NKAIN3: variants seen among roughly 807,000 people sequenced by gnomAD.
The protein encoded by NKAIN3 is sodium/potassium transporting ATPase interacting 3.
A neutral mutation model predicts 30.2 loss-of-function variants in NKAIN3; 25 were observed. The observed-to-expected ratio is 0.83, with a 90% CI of 0.60 to 1.16. The LOEUF is 1.16. NKAIN3 is among the 50% of genes most tolerant of loss of function. NKAIN3 has a pLI of 0.00. For missense variants in NKAIN3, 225 were observed against 254.1 expected (o/e 0.89, Z 0.78); for synonymous variants, 91 against 89.6 (o/e 1.02, Z -0.09).
At chr8:62,736,159 A>G (rs1482808359) in intron 3 of NKAIN3, among the ~76,000 whole-genome samples, 1 of 152,222 alleles carries the variant, frequency 6.6e-6, no homozygotes, top group Non-Finnish European at 1.5e-5. Flanking sequence ...CAGCATCAGC[A>G]ACAGTAGTAT....
intron 4 of NKAIN3, among the ~76,000 whole-genome samples, chr8:62,794,168 C>T (rs886716890): frequency 1.3e-5 from 2 of 152,162 alleles, no homozygotes; most frequent in Non-Finnish European, 2.9e-5. Context: ...CATTAGTAGC[C>T]TTTGCACATA....
chr8:62,856,098 T>C (rs1586274174), intron 4 of NKAIN3: 1 of 709,624 alleles, frequency 1.4e-6, no homozygotes, highest in East Asian at 2.5e-5. Context: ...ATCAAACTGT[T>C]TTAACTCTTC....
chr8:62,332,893 G>A (rs1432313348), intron 1 of NKAIN3, among the ~76,000 whole-genome samples: 1 of 152,070 alleles, frequency 6.6e-6, no homozygotes, highest in Non-Finnish European at 1.5e-5. Context: ...TAGGCATTTT[G>A]GCATGGCCTG....
At chr8:62,789,421 A>G (rs1011611368) in intron 4 of NKAIN3, among the ~76,000 whole-genome samples, 13 of 152,308 alleles carry the variant, frequency 8.5e-5, no homozygotes, top group African/African-American at 3.1e-4. Context: ...TATCAGCTTA[A>G]GGAGATTTTG....
At chr8:62,559,460 T>A (rs1809501846) in intron 1 of NKAIN3, among the ~76,000 whole-genome samples, 1 of 152,026 alleles carries the variant, frequency 6.6e-6, no homozygotes, top group African/African-American at 2.4e-5. Context: ...AGTTTTCACT[T>A]TCTGTTTTTT....
intron 1 of NKAIN3, among the ~76,000 whole-genome samples, chr8:62,406,822 T>C (rs1419962540): frequency 6.6e-6 from 1 of 152,210 alleles, no homozygotes; most frequent in African/African-American, 2.4e-5. Context: ...TATGTGATCA[T>C]GGCAAATTAA....
At chr8:62,298,910 A>G (rs564720947) in intron 1 of NKAIN3, among the ~76,000 whole-genome samples, 3 of 150,842 alleles carry the variant, frequency 2.0e-5, no homozygotes, top group South Asian at 4.2e-4. Flanking sequence ...TTAATGATAT[A>G]TAATTATGAG....
At chr8:62,933,940 G>A (rs947958296) in intron 5 of NKAIN3, among the ~76,000 whole-genome samples, 2 of 152,166 alleles carry the variant, frequency 1.3e-5, no homozygotes, top group Non-Finnish European at 2.9e-5. Context: ...ACTTCAGTAA[G>A]GCCAAGGCAG....
At chr8:62,937,936 C>T (rs559088304) in intron 5 of NKAIN3, among the ~76,000 whole-genome samples, 1 of 152,132 alleles carries the variant, frequency 6.6e-6, no homozygotes, top group African/African-American at 2.4e-5. Context: ...CGGCTTTCTC[C>T]CACTACCCTG....
chr8:62,383,102 C>T (rs538904779), intron 1 of NKAIN3, among the ~76,000 whole-genome samples: 12 of 152,144 alleles, frequency 7.9e-5, no homozygotes, highest in African/African-American at 1.4e-4. Flanking sequence ...TAGACCACTT[C>T]GATGACTTTG....
At chr8:62,985,068 AC>A (rs1242265750), downstream of NKAIN3, among the ~76,000 whole-genome samples, 1 of 152,190 alleles carries the variant, frequency 6.6e-6, no homozygotes, top group Non-Finnish European at 1.5e-5. Flanking sequence ...ACTATAGGAA[AC>A]CTGGTCCCTC....
chr8:62,543,889 C>A (rs765225840), intron 1 of NKAIN3, among the ~76,000 whole-genome samples: 57 of 151,860 alleles, frequency 3.8e-4, no homozygotes, highest in Non-Finnish European at 7.4e-5. Context: ...TTTATCAGTG[C>A]AAAAAGTAAA....
At chr8:62,796,142 C>T (rs372391158) in intron 4 of NKAIN3, among the ~76,000 whole-genome samples, 4 of 151,766 alleles carry the variant, frequency 2.6e-5, no homozygotes, top group Non-Finnish European at 5.9e-5. Context: ...CCAGCACTTT[C>T]GGAGGCAGAG....
chr8:62,429,632 T>C (rs1003235752), intron 1 of NKAIN3, among the ~76,000 whole-genome samples: 2 of 151,902 alleles, frequency 1.3e-5, no homozygotes, highest in African/African-American at 2.4e-5. Context: ...CCCTATTGTT[T>C]TGGCATAGTT....
intron 1 of NKAIN3, among the ~76,000 whole-genome samples, chr8:62,294,475 TAATA>T (rs1162737941): frequency 6.6e-6 from 1 of 152,212 alleles, no homozygotes; most frequent in Non-Finnish European, 1.5e-5. Flanking sequence ...AAAAGGATTA[TAATA>T]AATAAAATTA....
intron 1 of NKAIN3, among the ~76,000 whole-genome samples, chr8:62,563,809 A>G (rs1295185830): frequency 2.0e-5 from 3 of 152,142 alleles, no homozygotes. Flanking sequence ...TTCTAATTAT[A>G]TTTAGTTTAA....
chr8:62,636,178 C>T (rs575207591), intron 3 of NKAIN3, among the ~76,000 whole-genome samples: 38 of 152,270 alleles, frequency 2.5e-4, no homozygotes, highest in African/African-American at 8.9e-4. Flanking sequence ...TTTGAGAAGG[C>T]CAAGTTTCCA....
chr8:62,996,388 C>T (rs1804114493), intron 5 of NKAIN3, among the ~76,000 whole-genome samples: 1 of 152,152 alleles, frequency 6.6e-6, no homozygotes, highest in Non-Finnish European at 1.5e-5. Context: ...ATCCAATCAC[C>T]TCCCATCGGG....
chr8:62,964,537 AGTGTGTGTGTGTGT>A (rs56313500), intron 6 of NKAIN3, among the ~76,000 whole-genome samples: 3,637 of 133,228 alleles, frequency 0.027, 54 homozygotes, highest in Non-Finnish European at 0.04. Context: ...AGAGAGAGAG[AGTGTGTGTGTGTGT>A]GTGTGTGTGT....
Sources: gnomAD v4.1 joint callset for allele counts (sites outside exome capture counted in the v4.1 genomes callset) on GRCh38, gnomAD v4.1.1 for gene constraint, MANE v1.5 for transcripts, NCBI Gene and HGNC (gene_info 2026-07-23, HGNC 2026-07-21) for gene names.